The following WWOX variants were observed in gnomAD, a reference collection of about 807,000 sequenced individuals.
WWOX encodes the protein WW domain-containing oxidoreductase.
WWOX carries 69 observed loss-of-function variants against 46.2 expected under a neutral mutation model. That is an observed-to-expected ratio of 1.49 (90% CI 1.23 to 1.82). The LOEUF is 1.82. WWOX is among the 40% of genes most tolerant of loss of function. The pLI is 0.00. For missense variants in WWOX, 919 were observed against 542.6 expected (o/e 1.69, Z -6.89); for synonymous variants, 359 against 202.6 (o/e 1.77, Z -6.56).
rs1173608478 is a variant in WWOX, at chr16:79,095,510, A to T, written c.1057-116098A>T. 1.3e-5 allele frequency among the ~76,000 whole-genome samples: 2 copies of T among 152,174 alleles called. 1 individual carries two copies. Among genetic ancestry groups the T allele is most frequent in the South Asian group, 4.1e-4 (2 of 4,824 alleles). On this transcript the variant is annotated intron_variant, in intron 8 of 8. Transcript: ENST00000566780. ...TTTCTGCCCTGGTCCATCAGTCAGA[A>T]TGTCCTCTTCAGATGAGGAGATGCA... is the stretch of plus-strand genomic sequence containing the variant.
intron 8 of WWOX, among the ~76,000 whole-genome samples, chr16:78,756,380 T>G (rs1003399672): frequency 6.6e-6 from 1 of 152,124 alleles, no homozygotes; most frequent in African/African-American, 2.4e-5. Flanking sequence ...GCGGTTGAGA[T>G]AGGACAGAAC....
At chr16:78,659,809 C>G (rs1385224987) in intron 8 of WWOX, among the ~76,000 whole-genome samples, 1 of 152,132 alleles carries the variant, frequency 6.6e-6, no homozygotes, top group African/African-American at 2.4e-5. Flanking sequence ...TCTTTTTTTA[C>G]AAGTCACTCT....
chr16:78,553,989 A>C, intron 8 of WWOX, among the ~76,000 whole-genome samples: 1 of 152,064 alleles, frequency 6.6e-6, no homozygotes, highest in East Asian at 1.9e-4. Flanking sequence ...GAGGAGTGGA[A>C]GTGTTTTTCT....
At chr16:78,323,853 T>G (rs1198581740) in intron 5 of WWOX, among the ~76,000 whole-genome samples, 1 of 152,178 alleles carries the variant, frequency 6.6e-6, no homozygotes, top group Non-Finnish European at 1.5e-5. Flanking sequence ...AGGAACCCAG[T>G]GCATGCACTC....
rs1245741444 is a variant in WWOX, at chr16:78,422,710, T to TAC, written c.606-2150_606-2149dup. Among the ~76,000 whole-genome samples the TAC allele has an allele frequency of 0.014, 1,142 of 83,892 alleles. 76 individuals are homozygous for TAC. In the East Asian group the frequency reaches 0.14, roughly 10 times the overall value. The allele number at this position is 83,892 out of a possible 152,430, so 55.0% of individuals were successfully genotyped here. ...ACACACACACACACACATATATATA[T>TAC]ACACACACACATATATATATACACA... On this transcript the variant is annotated intron_variant, in intron 6 of 8. Coordinates refer to ENST00000566780, the MANE Select transcript of WWOX (RefSeq NM_016373.4).
intron 8 of WWOX, among the ~76,000 whole-genome samples, chr16:78,875,597 C>G (rs926804478): frequency 2.6e-5 from 4 of 152,146 alleles, no homozygotes; most frequent in Admixed American, 2.6e-4. Context: ...TATCCCTTAT[C>G]TCAAGGTGAG....
At chr16:78,202,751 T>TA (rs2151777577) in intron 5 of WWOX, among the ~76,000 whole-genome samples, 1 of 151,954 alleles carries the variant, frequency 6.6e-6, no homozygotes, top group South Asian at 2.1e-4. Context: ...GTCCCCACTT[T>TA]AAAAAATAGC....
At chr16:78,781,521 A>G (rs1486212506) in intron 8 of WWOX, among the ~76,000 whole-genome samples, 2 of 152,164 alleles carry the variant, frequency 1.3e-5, no homozygotes, top group Admixed American at 1.3e-4. Context: ...TGACCCTTTA[A>G]TGGGCGATGG....
chr16:78,356,925 G>A (rs2081307411), intron 5 of WWOX, among the ~76,000 whole-genome samples: 1 of 152,204 alleles, frequency 6.6e-6, no homozygotes, highest in South Asian at 2.1e-4. Context: ...TATGTTATAT[G>A]AGATCTTCAC....
chr16:78,206,749 A>G (rs547638233), intron 5 of WWOX, among the ~76,000 whole-genome samples: 14 of 142,810 alleles, frequency 9.8e-5, no homozygotes, highest in Non-Finnish European at 2.0e-4. Context: ...CTACCTTTTG[A>G]CTAGAGTGTT....
intron 4 of WWOX, among the ~76,000 whole-genome samples, chr16:78,116,174 T>G (rs2032778985): frequency 6.6e-6 from 1 of 152,200 alleles, no homozygotes; most frequent in Non-Finnish European, 1.5e-5. Context: ...CTTTTAGATA[T>G]TTTACAATGT....
intron 8 of WWOX, among the ~76,000 whole-genome samples, chr16:78,719,094 T>G (rs2048635002): frequency 6.6e-6 from 1 of 152,168 alleles, no homozygotes; most frequent in Non-Finnish European, 1.5e-5. Flanking sequence ...GAGCCCCTCA[T>G]GACGCACAAC....
intron 8 of WWOX, chr16:78,873,313 A>G (rs1405872140): frequency 6.6e-6 from 1 of 152,254 alleles, no homozygotes; most frequent in Non-Finnish European, 1.5e-5. Flanking sequence ...GGAATTAAGA[A>G]GGGACTAGCT....
intron 8 of WWOX, among the ~76,000 whole-genome samples, chr16:78,930,253 T>TCTGA (rs1186810306): frequency 9.5e-5 from 12 of 126,418 alleles, no homozygotes; most frequent in Non-Finnish European, 1.9e-4. Flanking sequence ...CTTCCTTCCT[T>TCTGA]CCTTCCTTCC....
At chr16:79,031,900 CTATATATATAGATATCTATA>C (rs2047766860) in intron 8 of WWOX, among the ~76,000 whole-genome samples, 9 of 65,890 alleles carry the variant, frequency 1.4e-4, no homozygotes, top group Admixed American at 1.8e-4. Context: ...ATACAGATAT[CTATATATATAGATATCTATA>C]TATATAGATA....
intron 5 of WWOX, among the ~76,000 whole-genome samples, chr16:78,356,830 T>C (rs1380124766): frequency 6.6e-6 from 1 of 151,974 alleles, no homozygotes; most frequent in Non-Finnish European, 1.5e-5. Context: ...TGAAGTGAGC[T>C]GAGATGGCAC....
chr16:79,182,565 G>T (rs930249312), intron 8 of WWOX, among the ~76,000 whole-genome samples: 12 of 152,046 alleles, frequency 7.9e-5, no homozygotes, highest in Admixed American at 5.2e-4. Flanking sequence ...GGTTGGTGGG[G>T]TTATTTGTGC....
At chr16:78,450,483 G>A (rs1374477198) in intron 8 of WWOX, among the ~76,000 whole-genome samples, 1 of 152,108 alleles carries the variant, frequency 6.6e-6, no homozygotes, top group South Asian at 2.1e-4. Context: ...CCTTCTTTCA[G>A]AGAAAAGTTA....
At chr16:79,093,721 A>T (rs1181787925) in intron 8 of WWOX, among the ~76,000 whole-genome samples, 7 of 152,182 alleles carry the variant, frequency 4.6e-5, no homozygotes, top group Non-Finnish European at 1.0e-4. Context: ...AATGAACATC[A>T]AAAGGATAAT....
Sources: gnomAD v4.1 joint callset for allele counts (sites outside exome capture counted in the v4.1 genomes callset) on GRCh38, gnomAD v4.1.1 for gene constraint, MANE v1.5 for transcripts, NCBI Gene and HGNC (gene_info 2026-07-23, HGNC 2026-07-21) for gene names.